The following CEP290 variants were observed in gnomAD, a reference collection of about 807,000 sequenced individuals.
The protein encoded by CEP290 is centrosomal protein of 290 kDa.
In CEP290, 317 loss-of-function variants were observed where a neutral mutation model predicts 344.9. The ratio of observed to expected loss-of-function variants is 0.92; its 90% CI spans 0.84 to 1.01. CEP290 has a LOEUF of 1.01. Ranked by LOEUF, CEP290 falls within the 50% of genes least tolerant of loss-of-function variation. CEP290 has a pLI of 0.00. For synonymous variants in CEP290, 932 were observed against 895.8 expected, an observed-to-expected ratio of 1.04 and a Z score of -0.72; for missense variants, 2,754 against 2,761.4, an observed-to-expected ratio of 1.00 and a Z score of 0.06.
intron 30 of CEP290, among the ~76,000 whole-genome samples, chr12:88,090,494 G>T (rs2036942934): frequency 6.6e-6 from 1 of 152,092 alleles, no homozygotes; most frequent in African/African-American, 2.4e-5. Context: ...ATTAGGTGTG[G>T]TGGCACGTGC....
At position 88,064,027 on chromosome 12, in the gene CEP290, A is replaced by G; in HGVS notation, c.6224T>C (p.Leu2075Pro). The change falls in exon 45 of 54, where the codon CTG (leucine) becomes CCG (proline). Residue 2075 changes from leucine (L) to proline (P), a missense_variant. Transcript: ENST00000552810. ...NLKLSSENIELKFQLEQANKD... is the reference protein window; with the variant it reads ...NLKLSSENIEPKFQLEQANKD... ...ATTTGCTTGTTCAAGCTGAAATTTC[A>G]GTTCAATATTTTCAGATGACAACTT... is the stretch of plus-strand genomic sequence containing the variant. 1 of 1,598,626 alleles carries G rather than the reference A, an allele frequency of 6.3e-7. No homozygotes were observed.
At chr12:88,053,578 C>T in intron 52 of CEP290, 74 bp downstream of exon 52, 1 of 567,476 alleles carries the variant, frequency 1.8e-6, no homozygotes, top group Non-Finnish European at 3.1e-6. Flanking sequence ...AAATCTGAGC[C>T]AAAAAAAAAA....
At position 88,085,360 on chromosome 12, in the gene CEP290, G is replaced by T. The variant is rs1251117896; in HGVS notation, c.4438-508C>A. 4.6e-5 allele frequency among the ~76,000 whole-genome samples: 7 copies of T among 152,030 alleles called. 1 individual carries two copies. The highest frequency in any genetic ancestry group is 4.6e-4 in the Admixed American group (7 of 15,266). On this transcript the variant is annotated intron_variant, in intron 34 of 53. Coordinates refer to ENST00000552810, the MANE Select transcript of CEP290 (RefSeq NM_025114.4). Reference sequence around the variant, plus strand: ...ATTTTTACTCTTCAAGAGGATTAAGGTGAGTATTTTAAATTAAGTAATTCA... The same window carrying T: ...ATTTTTACTCTTCAAGAGGATTAAGTTGAGTATTTTAAATTAAGTAATTCA...
intron 15 of CEP290, 41 bp from the exon 16 acceptor site, chr12:88,118,784 CAA>C: frequency 4.2e-6 from 6 of 1,437,928 alleles, no homozygotes; most frequent in Non-Finnish European, 4.8e-6. Flanking sequence ...TAAAAACATT[CAA>C]ATAAGCTGCA....
At chr12:88,071,585 G>A (rs2035379760) in intron 42 of CEP290, 136 bp from the exon 43 acceptor site, 2 of 866,660 alleles carry the variant, frequency 2.3e-6, no homozygotes, top group Admixed American at 3.4e-5. Flanking sequence ...CGAGATCACA[G>A]GAAAATCCAT....
chr12:88,051,019 CTT>C (rs1407203648), intron 52 of CEP290, among the ~76,000 whole-genome samples: 2 of 152,098 alleles, frequency 1.3e-5, no homozygotes, highest in South Asian at 2.1e-4. Flanking sequence ...ACACCTCTAA[CTT>C]TATCAGCAGG....
At chr12:88,050,316 T>C in intron 53 of CEP290, 38 bp downstream of exon 53, 1 of 1,059,044 alleles carries the variant, frequency 9.4e-7, no homozygotes, top group Non-Finnish European at 1.4e-6. Context: ...TCAACAGCTG[T>C]TTTCACAAAA....
At chr12:88,068,236 G>T (rs1179795699) in intron 44 of CEP290, among the ~76,000 whole-genome samples, 2 of 151,996 alleles carry the variant, frequency 1.3e-5, no homozygotes, top group African/African-American at 4.8e-5. Flanking sequence ...ACTGTATACT[G>T]CTGCTACAGC....
At chr12:88,138,648 A>G (rs1033246096) in intron 5 of CEP290, among the ~76,000 whole-genome samples, 1 of 152,144 alleles carries the variant, frequency 6.6e-6, no homozygotes, top group African/African-American at 2.4e-5. Flanking sequence ...GCCTCTATAC[A>G]CATCCACTCT....
intron 27 of CEP290, among the ~76,000 whole-genome samples, chr12:88,095,565 T>C (rs2037367326): frequency 6.6e-6 from 1 of 152,158 alleles, no homozygotes; most frequent in Admixed American, 6.5e-5. Context: ...TCCATGCAAA[T>C]ACTACACAAA....
intron 11 of CEP290, among the ~76,000 whole-genome samples, chr12:88,127,730 C>T (rs1318656927): frequency 6.6e-6 from 1 of 151,962 alleles, no homozygotes; most frequent in Non-Finnish European, 1.5e-5. Flanking sequence ...CAATTTATTC[C>T]ACAGATATAC....
Position 88,049,056 on chromosome 12 carries a change from C to A in CEP290, c.*128G>T, listed in dbSNP as rs929758721. Reference sequence around the variant, plus strand: ...ATATAATTTTATTTATTAAGAATTCCAATCTAAGTATAAAGGTACAAGGTA... The same window carrying A: ...ATATAATTTTATTTATTAAGAATTCAAATCTAAGTATAAAGGTACAAGGTA... On this transcript the variant is annotated 3_prime_UTR_variant, in exon 54 of 54. Coordinates refer to ENST00000552810, the MANE Select transcript of CEP290 (RefSeq NM_025114.4). 4.7e-5 allele frequency: 22 copies of A among 467,128 alleles called. No homozygotes were observed. The Middle Eastern group carries it at 5.2e-3, about 111-fold the overall frequency. The allele number at this position is 467,128 out of a possible 1,614,324, so 28.9% of individuals were successfully genotyped here.
chr12:88,131,244 A>C, intron 6 of CEP290, 26 bp from the exon 7 acceptor site: 1 of 1,444,758 alleles, frequency 6.9e-7, no homozygotes, highest in African/African-American at 1.5e-5. Flanking sequence ...AAAAAAATAA[A>C]TAAGAAGAAG....
chr12:88,052,733 G>A (rs577678177), intron 52 of CEP290, among the ~76,000 whole-genome samples: 1 of 152,094 alleles, frequency 6.6e-6, no homozygotes, highest in African/African-American at 2.4e-5. Context: ...ACTCATCCTG[G>A]TAAATTCTAT....
intron 20 of CEP290, 73 bp from the exon 21 acceptor site, chr12:88,111,931 T>A: frequency 9.2e-7 from 1 of 1,085,454 alleles, no homozygotes; most frequent in Non-Finnish European, 1.3e-6. Flanking sequence ...AGTCTGTCTT[T>A]AAATAAAATG....
intron 26 of CEP290, among the ~76,000 whole-genome samples, chr12:88,101,658 CAAA>C (rs11297432): frequency 2.3e-4 from 25 of 110,996 alleles, no homozygotes; most frequent in East Asian, 2.6e-4. Context: ...AACTCCATCT[CAAA>C]AAAAAAAAAA....
Position 88,086,165 on chromosome 12 carries a change from T to C in CEP290, c.4311A>G (p.Glu1437=). 1 of 1,609,188 alleles carries C rather than the reference T, an allele frequency of 6.2e-7. No individual in the cohort carries two copies. Among genetic ancestry groups the C allele is most frequent in the Non-Finnish European group, 8.5e-7 (1 of 1,178,976 alleles). The change falls in exon 34 of 54, where the codon GAA becomes GAG. Residue 1437 remains glutamate, a synonymous_variant. Transcript: ENST00000552810. The part of the protein sequence containing the change: ...EILNAAQKFE[E]ATGSIPDPSL... ...TAGGGTCAGGGATTGATCCTGTAGC[T>C]TCTTCAAACTATTAAGAAATAGTAT... is the stretch of plus-strand genomic sequence containing the variant.
intron 41 of CEP290, among the ~76,000 whole-genome samples, chr12:88,073,112 A>G (rs1208510250): frequency 6.6e-6 from 1 of 152,204 alleles, no homozygotes; most frequent in Non-Finnish European, 1.5e-5. Context: ...TTCTGCTTAC[A>G]CTGGTCTGAG....
chr12:88,083,020 C>T lies in CEP290; in HGVS notation c.5012+11G>A, dbSNP rs778779951. The T allele has an allele frequency of 1.2e-5, 17 of 1,417,006 alleles. No homozygotes were observed. The highest frequency in any genetic ancestry group is 1.0e-4 in the African/African-American group (7 of 68,606). 87.8% of individuals were successfully genotyped at this position (1,417,006 alleles called of 1,614,324 possible). On this transcript the variant is annotated intron_variant, in intron 37 of 53. Coordinates refer to ENST00000552810, the MANE Select transcript of CEP290 (RefSeq NM_025114.4). The stretch of plus-strand genomic sequence containing the variant: ...ATTTGCCTATTTTTACAATACATTT[C>T]GAAGACTTACTGTAATTTGATATTT...
Sources: gnomAD v4.1 joint callset for allele counts (sites outside exome capture counted in the v4.1 genomes callset) on GRCh38, gnomAD v4.1.1 for gene constraint, MANE v1.5 for transcripts, NCBI Gene and HGNC (gene_info 2026-07-23, HGNC 2026-07-21) for gene names.